Variants in UGT3A1 observed in about 807,000 individuals in gnomAD.
The protein encoded by UGT3A1 is UDP-glycosyltransferase 3A1.
Under a neutral mutation model 37.6 loss-of-function variants are expected in UGT3A1, and 40 were observed. The ratio of observed to expected loss-of-function variants is 1.06; its 90% CI spans 0.83 to 1.38. The LOEUF (loss-of-function observed/expected upper bound fraction) is 1.38, where lower values mean the gene tolerates loss of function less well. UGT3A1 is among the 40% of genes most tolerant of loss of function. The pLI, the probability that UGT3A1 is intolerant of heterozygous loss-of-function variation, is 0.00. For missense variants in UGT3A1, 642 were observed against 634.2 expected (o/e 1.01, Z -0.13); for synonymous variants, 256 against 232.3 (o/e 1.10, Z -0.93).
At chr5:35,959,689 G>A (rs1370670410) in intron 4 of UGT3A1, among the ~76,000 whole-genome samples, 2 of 152,124 alleles carry the variant, frequency 1.3e-5, no homozygotes, top group African/African-American at 2.4e-5. Context: ...ACATTATCAT[G>A]TGGATCAATA....
chr5:35,991,691 A>C, upstream of UGT3A1: 44 of 966,308 alleles, frequency 4.6e-5, no homozygotes, highest in Non-Finnish European at 5.3e-5. Context: ...CTATTACCTC[A>C]TAGTGCCATC....
At chr5:35,984,150 A>T (rs1237521626) in intron 2 of UGT3A1, among the ~76,000 whole-genome samples, 1 of 152,178 alleles carries the variant, frequency 6.6e-6, no homozygotes, top group African/African-American at 2.4e-5. Flanking sequence ...TACTTAAAAA[A>T]CCTAGAGACC....
chr5:35,986,621 AG>A (rs2149990274), intron 2 of UGT3A1, among the ~76,000 whole-genome samples: 1 of 152,250 alleles, frequency 6.6e-6, no homozygotes, highest in Non-Finnish European at 1.5e-5. Flanking sequence ...AGCTTACAAA[AG>A]AGGATCTTAT....
chr5:36,000,490 T>A (rs959524449), intron 1 of UGT3A1, among the ~76,000 whole-genome samples: 4 of 152,184 alleles, frequency 2.6e-5, no homozygotes, highest in African/African-American at 9.7e-5. Context: ...GACAAATCCA[T>A]GTGCTGCAAA....
intron 2 of UGT3A1, among the ~76,000 whole-genome samples, chr5:35,968,567 A>G (rs1739909905): frequency 6.6e-6 from 1 of 152,216 alleles, no homozygotes. Context: ...ACTTAAAATA[A>G]TACCTACAAA....
chr5:35,987,251 T>C (rs1028514811), intron 2 of UGT3A1, among the ~76,000 whole-genome samples: 13 of 152,166 alleles, frequency 8.5e-5, no homozygotes, highest in Non-Finnish European at 1.6e-4. Flanking sequence ...TTTCCTACTT[T>C]CAGAGCTCTA....
At chr5:35,957,515 C>T (rs1221439603) in intron 4 of UGT3A1, 96 bp from the exon 5 acceptor site, 2 of 971,120 alleles carry the variant, frequency 2.1e-6, no homozygotes, top group East Asian at 5.2e-5. Context: ...CATACCCTCC[C>T]ATCAGTGCCT....
intron 2 of UGT3A1, among the ~76,000 whole-genome samples, chr5:35,974,152 T>C (rs1157519660): frequency 6.6e-6 from 1 of 152,142 alleles, no homozygotes; most frequent in Non-Finnish European, 1.5e-5. Context: ...TCTCCAGCTT[T>C]CTCCAAAGGA....
chr5:35,988,613 G>C (rs1460121510), intron 1 of UGT3A1, 62 bp from the exon 2 acceptor site: 2 of 1,246,894 alleles, frequency 1.6e-6, no homozygotes, highest in Admixed American at 2.1e-5. Flanking sequence ...GACAATATGG[G>C]AGTAGGCAGG....
chr5:35,966,068 A>G (rs1580929500), intron 3 of UGT3A1, 151 bp from the exon 4 acceptor site: 2 of 622,034 alleles, frequency 3.2e-6, no homozygotes, highest in East Asian at 3.0e-5. Flanking sequence ...AAATACTCTC[A>G]GCTCTGGTCA....
chr5:35,986,762 T>C (rs1442783111), intron 2 of UGT3A1, among the ~76,000 whole-genome samples: 1 of 152,080 alleles, frequency 6.6e-6, no homozygotes, highest in Non-Finnish European at 1.5e-5. Flanking sequence ...GTTTGATAGA[T>C]CAGTAGGGTG....
intron 1 of UGT3A1, 69 bp from the exon 2 acceptor site, chr5:35,988,620 C>T: frequency 8.2e-7 from 1 of 1,213,584 alleles, no homozygotes; most frequent in South Asian, 1.3e-5. Context: ...TGGGAGTAGG[C>T]AGGAGGGAAT....
intron 4 of UGT3A1, chr5:35,961,308 T>C (rs1208995991): frequency 6.6e-6 from 1 of 152,296 alleles, no homozygotes; most frequent in African/African-American, 2.4e-5. Flanking sequence ...GAGGTTTATC[T>C]AAGGGTCCTT....
intron 2 of UGT3A1, among the ~76,000 whole-genome samples, chr5:35,984,586 C>T (rs1740657036): frequency 6.6e-6 from 1 of 151,064 alleles, no homozygotes; most frequent in African/African-American, 2.4e-5. Flanking sequence ...ACTTATCGTG[C>T]CTCAGCCTCC....
In UGT3A1 at chr5:35,957,179, A is replaced by G; in HGVS notation, c.1075+9T>C. The G allele has an allele frequency of 6.2e-7, 1 of 1,611,700 alleles. No individual in the cohort carries two copies. The highest frequency in any genetic ancestry group is 8.5e-7 in the Non-Finnish European group (1 of 1,177,960). On this transcript the variant is annotated intron_variant, in intron 5 of 6. Coordinates refer to ENST00000274278, the MANE Select transcript of UGT3A1 (RefSeq NM_152404.4). The stretch of plus-strand genomic sequence containing the variant: ...TGGAAAGAGAAGAGCAGACCTAAGC[A>G]GTCCTTACCCAGGAGGTCACTCTGA...
At chr5:35,984,159 C>A (rs546183340) in intron 2 of UGT3A1, among the ~76,000 whole-genome samples, 1 of 152,168 alleles carries the variant, frequency 6.6e-6, no homozygotes, top group South Asian at 2.1e-4. Context: ...AACCTAGAGA[C>A]CCTAGCAAAA....
chr5:35,987,307 C>T (rs572998368), intron 2 of UGT3A1, among the ~76,000 whole-genome samples: 16 of 152,068 alleles, frequency 1.1e-4, no homozygotes, highest in East Asian at 7.7e-4. Context: ...TCATCTCAAC[C>T]GCAGAAATGT....
At chr5:35,974,805 A>G (rs1435178852) in intron 2 of UGT3A1, among the ~76,000 whole-genome samples, 1 of 152,168 alleles carries the variant, frequency 6.6e-6, no homozygotes, top group Non-Finnish European at 1.5e-5. Context: ...TTCACTCTCT[A>G]ACCTCAAGGA....
At chr5:35,990,622 C>T (rs1253660752) in intron 1 of UGT3A1, among the ~76,000 whole-genome samples, 2 of 152,056 alleles carry the variant, frequency 1.3e-5, no homozygotes, top group Admixed American at 6.5e-5. Flanking sequence ...AAAAACACTC[C>T]GCTGGCATTG....
Sources: gnomAD v4.1 joint callset for allele counts (sites outside exome capture counted in the v4.1 genomes callset) on GRCh38, gnomAD v4.1.1 for gene constraint, MANE v1.5 for transcripts, NCBI Gene and HGNC (gene_info 2026-07-23, HGNC 2026-07-21) for gene names.